The following NTM variants were observed in gnomAD, a reference collection of about 807,000 sequenced individuals.
NTM encodes neurotrimin.
A neutral mutation model predicts 42.1 loss-of-function variants in NTM; 13 were observed. The observed-to-expected ratio is 0.31, with a 90% CI of 0.20 to 0.49. The LOEUF (loss-of-function observed/expected upper bound fraction) is 0.49. Among genes scored for constraint, NTM ranks in the 20% least tolerant of loss-of-function variants. The probability of loss-of-function intolerance (pLI) is 0.99; values close to 1 mark genes in which losing one functional copy is unlikely to be tolerated. For missense variants in NTM, 373 were observed against 452.8 expected, an observed-to-expected ratio of 0.82 and a Z score of 1.60; for synonymous variants, 187 against 179.2, an observed-to-expected ratio of 1.04 and a Z score of -0.35.
chr11:131,648,306 T>C (rs991875280), intron 1 of NTM, among the ~76,000 whole-genome samples: 8 of 152,212 alleles, frequency 5.3e-5, no homozygotes, highest in African/African-American at 1.9e-4. Context: ...TGAACATGCA[T>C]GTGAATATGT....
chr11:131,586,686 A>G (rs1046808940), intron 1 of NTM, among the ~76,000 whole-genome samples: 3 of 152,186 alleles, frequency 2.0e-5, no homozygotes, highest in African/African-American at 7.2e-5. Flanking sequence ...TTGTTGTTTT[A>G]GGCTGCTTTG....
At chr11:131,453,118 G>T (rs151100264) in intron 1 of NTM, among the ~76,000 whole-genome samples, 102 of 152,284 alleles carry the variant, frequency 6.7e-4, no homozygotes, top group African/African-American at 2.4e-3. Context: ...CTCCCTTCTT[G>T]CCCACAATGT....
intron 3 of NTM, among the ~76,000 whole-genome samples, chr11:132,187,665 A>C (rs2138185917): frequency 6.6e-6 from 1 of 152,300 alleles, no homozygotes; most frequent in South Asian, 2.1e-4. Context: ...GGAGTACAAA[A>C]GAAGGGAGAG....
At chr11:132,023,169 G>C (rs544611845) in intron 2 of NTM, among the ~76,000 whole-genome samples, 1 of 152,266 alleles carries the variant, frequency 6.6e-6, no homozygotes, top group Non-Finnish European at 1.5e-5. Context: ...ACGTGCTGCC[G>C]CCTGGGCATG....
chr11:131,909,107 A>G (rs1332334683), intron 1 of NTM, among the ~76,000 whole-genome samples: 2 of 152,236 alleles, frequency 1.3e-5, no homozygotes, highest in Non-Finnish European at 2.9e-5. Flanking sequence ...ATTTTGAGAT[A>G]TTCACTGTAA....
chr11:132,087,443 C>A (rs2059863222), intron 2 of NTM, among the ~76,000 whole-genome samples: 1 of 152,178 alleles, frequency 6.6e-6, no homozygotes, highest in Non-Finnish European at 1.5e-5. Flanking sequence ...TCCCTCATAT[C>A]CAGTTTTCTT....
At chr11:131,446,293 C>T (rs1036595737) in intron 1 of NTM, among the ~76,000 whole-genome samples, 7 of 152,140 alleles carry the variant, frequency 4.6e-5, no homozygotes, top group Non-Finnish European at 8.8e-5. Flanking sequence ...TTCCCAGGCC[C>T]GGCTCAGCCT....
intron 1 of NTM, among the ~76,000 whole-genome samples, chr11:131,723,280 A>T (rs1430696682): frequency 6.6e-6 from 1 of 152,240 alleles, no homozygotes; most frequent in East Asian, 1.9e-4. Context: ...TTGGAAAGGC[A>T]ACTGCAGCCC....
chr11:132,313,235 A>G (rs924107899), intron 6 of NTM, among the ~76,000 whole-genome samples: 26 of 152,208 alleles, frequency 1.7e-4, no homozygotes, highest in Admixed American at 7.2e-4. Context: ...GAAATACATT[A>G]TACTGATGCC....
intron 1 of NTM, among the ~76,000 whole-genome samples, chr11:131,409,930 C>T (rs1057189442): frequency 6.6e-6 from 1 of 152,152 alleles, no homozygotes; most frequent in Non-Finnish European, 1.5e-5. Context: ...CATGGCACAG[C>T]ATCTCAGCAA....
At chr11:132,222,984 G>A (rs576489770) in intron 4 of NTM, among the ~76,000 whole-genome samples, 2 of 152,162 alleles carry the variant, frequency 1.3e-5, no homozygotes, top group African/African-American at 4.8e-5. Context: ...TATCTGGCCA[G>A]TTATCTGCAA....
At chr11:131,839,851 C>T (rs1312383353) in intron 1 of NTM, among the ~76,000 whole-genome samples, 1 of 152,178 alleles carries the variant, frequency 6.6e-6, no homozygotes, top group Non-Finnish European at 1.5e-5. Flanking sequence ...AGCAGTGAAC[C>T]ATTGGGAGAT....
chr11:132,002,233 A>G lies in NTM; in HGVS notation c.167+90585A>G, dbSNP rs964090567. ...GTTTTGAATAGGGAAGTGACTTGGT[A>G]TTTGGCTGGACTTGTCTTGTGAGCT... On this transcript the variant is annotated intron_variant, in intron 2 of 8. Transcript: ENST00000683400. The surrounding 1 kb of genome is among the most constrained non-coding windows in gnomAD (Gnocchi z 4.5). 1.3e-5 allele frequency among the ~76,000 whole-genome samples: 2 copies of G among 152,192 alleles called. No individual in the cohort carries two copies. The highest frequency in any genetic ancestry group is 4.8e-5 in the African/African-American group (2 of 41,466).
chr11:131,542,733 C>A (rs913494188), intron 1 of NTM, among the ~76,000 whole-genome samples: 4 of 152,166 alleles, frequency 2.6e-5, no homozygotes, highest in South Asian at 2.1e-4. Context: ...TCAGAGCACA[C>A]CATTGTCTAT....
intron 1 of NTM, among the ~76,000 whole-genome samples, chr11:131,686,222 G>T (rs546233754): frequency 3.1e-4 from 47 of 152,330 alleles, no homozygotes; most frequent in African/African-American, 1.1e-3. Flanking sequence ...GGTTGGGGGT[G>T]CCGACCCCTT....
chr11:131,654,700 G>A (rs114344366), intron 1 of NTM, among the ~76,000 whole-genome samples: 1,557 of 152,044 alleles, frequency 0.01, 23 homozygotes, highest in African/African-American at 0.035. Context: ...CTGAGATCTG[G>A]TTGTTAAAAA....
chr11:132,264,851 G>A (rs941631026), intron 4 of NTM, among the ~76,000 whole-genome samples: 4 of 152,106 alleles, frequency 2.6e-5, no homozygotes, highest in African/African-American at 9.7e-5. Flanking sequence ...TACCTCTGTT[G>A]CCCTCTCATG....
chr11:132,154,844 G>A (rs1213420236), intron 3 of NTM, among the ~76,000 whole-genome samples: 1 of 152,180 alleles, frequency 6.6e-6, no homozygotes. Context: ...ATTGGCTTCC[G>A]CTAGAGCTTG....
At chr11:131,942,130 G>C (rs1180088308) in intron 2 of NTM, among the ~76,000 whole-genome samples, 1 of 152,166 alleles carries the variant, frequency 6.6e-6, no homozygotes, top group African/African-American at 2.4e-5. Context: ...TAAACAGCCA[G>C]CTGTAAAGTA....
Sources: allele counts gnomAD v4.1 joint callset (sites outside exome capture counted in the v4.1 genomes callset), GRCh38; gene constraint gnomAD v4.1.1; non-coding constraint Gnocchi (gnomAD v3.1); transcripts MANE v1.5; gene names NCBI Gene and HGNC (gene_info 2026-07-23, HGNC 2026-07-21).